SSX2IP: variants seen among roughly 807,000 people sequenced by gnomAD.
SSX2IP encodes the protein afadin- and alpha-actinin-binding protein.
A neutral mutation model predicts 84.9 loss-of-function variants in SSX2IP; 55 were observed. That is an observed-to-expected ratio of 0.65 (90% CI 0.52 to 0.81). The LOEUF (loss-of-function observed/expected upper bound fraction) is 0.81, where lower values mean the gene tolerates loss of function less well. Ranked by LOEUF, SSX2IP falls within the 30% of genes least tolerant of loss-of-function variation. The pLI is 0.00. For missense variants in SSX2IP, 664 were observed against 705.2 expected, an observed-to-expected ratio of 0.94 and a Z score of 0.66; for synonymous variants, 239 against 234.7, an observed-to-expected ratio of 1.02 and a Z score of -0.17.
chr1:84,690,497 C>T (rs1327033440), upstream of SSX2IP: 1 of 151,826 alleles, frequency 6.6e-6, no homozygotes, highest in Admixed American at 6.6e-5. Context: ...CGGGCTCCCG[C>T]CTTCCCCGCC....
intron 1 of SSX2IP, among the ~76,000 whole-genome samples, chr1:84,678,691 A>G (rs1198882126): frequency 6.6e-6 from 1 of 152,246 alleles, no homozygotes; most frequent in Non-Finnish European, 1.5e-5. Flanking sequence ...TCAATCCTTT[A>G]CAGAAAAGAA....
intron 8 of SSX2IP, among the ~76,000 whole-genome samples, chr1:84,661,617 C>A (rs183508845): frequency 1.6e-4 from 24 of 152,258 alleles, no homozygotes; most frequent in African/African-American, 5.1e-4. Context: ...TCTTTTTAGC[C>A]TTTCCTTTCC....
At position 84,662,678 on chromosome 1, in the gene SSX2IP, G is replaced by A. The variant is rs1570626262; in HGVS notation, c.674-148C>T. On this transcript the variant is annotated intron_variant, in intron 6 of 13. Coordinates refer to ENST00000342203, the MANE Select transcript of SSX2IP (RefSeq NM_001166293.2). ...AAACAGCCTAATTTTCGAGTTTCTA[G>A]TTCCACCACTTGTAAGCAATGAGAT... 12 of 688,748 alleles carry A rather than the reference G, an allele frequency of 1.7e-5. No individual in the cohort carries two copies. The East Asian group carries it at 3.4e-4, about 19-fold the overall frequency. The allele number at this position is 688,748 out of a possible 1,614,324, so 42.7% of individuals were successfully genotyped here.
Position 84,670,642 on chromosome 1 carries a change from T to A in SSX2IP, c.213+4A>T. 1 of 1,575,164 alleles carries A rather than the reference T, an allele frequency of 6.3e-7. No individual in the cohort carries two copies. The highest frequency in any genetic ancestry group is 2.3e-5 in the East Asian group (1 of 44,208). On this transcript the variant is annotated splice_donor_region_variant and intron_variant, in intron 3 of 13. Transcript: ENST00000342203. ...TGCTACTGTTTTTTACAAAAACATGTTACCTGATCAAGATATGAGATACTC... is the reference window on the plus strand; with the variant it reads ...TGCTACTGTTTTTTACAAAAACATGATACCTGATCAAGATATGAGATACTC...
intron 1 of SSX2IP, among the ~76,000 whole-genome samples, chr1:84,682,451 G>T (rs548874381): frequency 6.6e-6 from 1 of 151,354 alleles, no homozygotes; most frequent in Non-Finnish European, 1.5e-5. Flanking sequence ...TTTCTCATAG[G>T]ACCCAATATG....
intron 8 of SSX2IP, among the ~76,000 whole-genome samples, chr1:84,658,875 G>A (rs1403084932): frequency 6.6e-6 from 1 of 152,164 alleles, no homozygotes; most frequent in Non-Finnish European, 1.5e-5. Flanking sequence ...CTAATCCTAG[G>A]CTGCTTAAAG....
intron 6 of SSX2IP, among the ~76,000 whole-genome samples, chr1:84,662,876 A>G (rs548287023): frequency 2.0e-5 from 3 of 152,324 alleles, no homozygotes; most frequent in East Asian, 3.9e-4. Flanking sequence ...TTACCTTATC[A>G]TTATTAATTT....
intron 7 of SSX2IP, 40 bp from the exon 8 acceptor site, chr1:84,662,415 G>T: frequency 6.2e-7 from 1 of 1,610,804 alleles, no homozygotes; most frequent in East Asian, 2.2e-5. Flanking sequence ...CAGGATAGAA[G>T]GAAGTCTGAT....
At chr1:84,647,667 C>CCTG in intron 13 of SSX2IP, 60 bp from the exon 14 acceptor site, 1 of 1,272,516 alleles carries the variant, frequency 7.9e-7, no homozygotes, top group Admixed American at 2.7e-5. Context: ...GTACTTTAAC[C>CCTG]TCATAATGTG....
At chr1:84,664,634 A>G (rs1361749015) in intron 5 of SSX2IP, 82 bp from the exon 6 acceptor site, 1 of 1,237,070 alleles carries the variant, frequency 8.1e-7, no homozygotes, top group Non-Finnish European at 1.1e-6. Flanking sequence ...ATCTCCCCAT[A>G]TAGGTTTTAA....
Position 84,647,499 on chromosome 1 carries a change from T to C in SSX2IP, c.1779A>G (p.Glu593=). 1 of 1,613,286 alleles carries C rather than the reference T, an allele frequency of 6.2e-7. No homozygotes were observed. The highest frequency in any genetic ancestry group is 8.5e-7 in the Non-Finnish European group (1 of 1,179,510). ...WSVASRPGSQ[E]GCYSGCSLSY... Reference sequence around the variant, plus strand: ...TCAAGGAGCATCCACTATAGCAACCTTCCTGTGATCCAGGTCTTGATGCCA... The same window carrying C: ...TCAAGGAGCATCCACTATAGCAACCCTCCTGTGATCCAGGTCTTGATGCCA... The change falls in exon 14 of 14, where the codon GAA becomes GAG. Residue 593 remains glutamate (E), a synonymous_variant. Coordinates refer to ENST00000342203, the MANE Select transcript of SSX2IP (RefSeq NM_001166293.2).
rs1482212952 is a variant in SSX2IP, at chr1:84,644,460, C to A, written c.*2973G>T. 1 of 152,104 alleles carries A rather than the reference C, an allele frequency of 6.6e-6. No individual in the cohort carries two copies. Among genetic ancestry groups the A allele is most frequent in the African/African-American group, 2.4e-5 (1 of 41,426 alleles). 9.4% of individuals were successfully genotyped at this position (152,104 alleles called of 1,614,324 possible). A position where few individuals can be genotyped will look rare whatever the true frequency, so the allele number is the denominator to read the frequency against. Reference sequence around the variant, plus strand: ...TACTTAATAAATGCTTACCAAAAGACTGAAAAAGGACAAAAATAGGGAAAA... The same window carrying A: ...TACTTAATAAATGCTTACCAAAAGAATGAAAAAGGACAAAAATAGGGAAAA... On this transcript the variant is annotated 3_prime_UTR_variant, in exon 14 of 14. Transcript: ENST00000342203.
rs1017226562 is a variant in SSX2IP, at chr1:84,646,503, G to A, written c.*930C>T. 2 of 152,318 alleles carry A rather than the reference G, an allele frequency of 1.3e-5. No homozygotes were observed. Among genetic ancestry groups the A allele is most frequent in the Admixed American group, 1.3e-4 (2 of 15,244 alleles). The allele number at this position is 152,318 out of a possible 1,614,324, so 9.4% of individuals were successfully genotyped here. A position where few individuals can be genotyped will look rare whatever the true frequency, so the allele number is the denominator to read the frequency against. On this transcript the variant is annotated 3_prime_UTR_variant, in exon 14 of 14. Transcript: ENST00000342203. The stretch of plus-strand genomic sequence containing the variant: ...TTAGTATACAGATATTACTATACTG[G>A]TACCCATCTTGTAAGGAAAATATCA...
In SSX2IP at chr1:84,655,959, C is replaced by T. The variant is rs1651030860; in HGVS notation, c.1262G>A (p.Arg421Gln). Reference protein sequence around the residue: ...AYDDDTTSLLRDCYLLEEKER... With the variant: ...AYDDDTTSLLQDCYLLEEKER... The stretch of plus-strand genomic sequence containing the variant: ...CTTTTCTTCCAACAAATAACAGTCT[C>T]GTAATAGTGAAGTGGTATCATCATC... The change falls in exon 11 of 14, where the codon CGA becomes CAA. Residue 421 changes from arginine to glutamine, a missense_variant. Transcript: ENST00000342203. 3.1e-6 allele frequency: 5 copies of T among 1,613,498 alleles called. No individual in the cohort carries two copies. The highest frequency in any genetic ancestry group is 4.2e-6 in the Non-Finnish European group (5 of 1,179,904).
At position 84,656,450 on chromosome 1, in the gene SSX2IP, T is replaced by A; in HGVS notation, c.1113A>T (p.Glu371Asp). Residue 371 changes from glutamate to aspartate, a missense_variant, in exon 10 of 14, where the codon GAA becomes GAT. Transcript: ENST00000342203. ...CATGGTCTTGTCGTGAGATTACATC[T>A]TCATCATTAAAACCTTCCAGGTGTA... ...SKVHLEGFND[E>D]DVISRQDHEQ... 6.2e-7 allele frequency: 1 copy of A among 1,613,184 alleles called. No homozygotes were observed. Among genetic ancestry groups the A allele is most frequent in the South Asian group, 1.1e-5 (1 of 90,898 alleles).
rs1362718798 is a variant in SSX2IP at position 84,662,435 on chromosome 1, C to A, written c.749+20G>T. 1 of 1,612,492 alleles carries A rather than the reference C, an allele frequency of 6.2e-7. No homozygotes were observed. The highest frequency in any genetic ancestry group is 8.5e-7 in the Non-Finnish European group (1 of 1,179,406). ...TAGAAGGAAGTCTGATTACATTTAT[C>A]AATTTAAACTGGACTTTACCTGGCT... On this transcript the variant is annotated intron_variant, in intron 7 of 13. Coordinates refer to ENST00000342203, the MANE Select transcript of SSX2IP (RefSeq NM_001166293.2).
chr1:84,665,512 A>C (rs1652654085), intron 5 of SSX2IP, among the ~76,000 whole-genome samples: 1 of 152,204 alleles, frequency 6.6e-6, no homozygotes, highest in South Asian at 2.1e-4. Context: ...TAGAGCAATA[A>C]AAACATAATA....
At position 84,662,205 on chromosome 1, in the gene SSX2IP, G is replaced by A. The variant is rs573891623; in HGVS notation, c.920C>T (p.Thr307Ile). The change falls in exon 8 of 14, where the codon ACA becomes ATA. Residue 307 changes from threonine to isoleucine, a missense_variant. Transcript: ENST00000342203. ...KKPRERVDDS[T>I]GTVISDVEED... is the part of the protein sequence containing the mutation. Reference sequence around the variant, plus strand: ...GAGGAAAGAGCCACTTACAGTTCCTGTACTATCATCTACTCTTTCTCTAGG... The same window carrying A: ...GAGGAAAGAGCCACTTACAGTTCCTATACTATCATCTACTCTTTCTCTAGG... 3.7e-5 allele frequency: 59 copies of A among 1,583,758 alleles called. No homozygotes were observed. In the South Asian group the frequency reaches 5.8e-4, roughly 15 times the overall value.
chr1:84,689,020 TA>T (rs1310803291), intron 1 of SSX2IP, among the ~76,000 whole-genome samples: 2 of 152,198 alleles, frequency 1.3e-5, no homozygotes, highest in African/African-American at 4.8e-5. Context: ...AACAGAGTGT[TA>T]AATTAGCTAT....
Sources: allele counts gnomAD v4.1 joint callset (sites outside exome capture counted in the v4.1 genomes callset), GRCh38; gene constraint gnomAD v4.1.1; transcripts MANE v1.5; gene names NCBI Gene and HGNC (gene_info 2026-07-23, HGNC 2026-07-21).